DNAH7: variants seen among roughly 807,000 people sequenced by gnomAD.
DNAH7 encodes the protein dynein axonemal heavy chain 7.
In DNAH7, 397 loss-of-function variants were observed where a neutral mutation model predicts 444.6. That is an observed-to-expected ratio of 0.89 (90% CI 0.82 to 0.97). DNAH7 has a LOEUF of 0.97. DNAH7 is among the 50% of genes least tolerant of loss of function. The pLI, the probability that DNAH7 is intolerant of heterozygous loss-of-function variation, is 0.00. For synonymous variants in DNAH7, 1,636 were observed against 1,624.4 expected, an observed-to-expected ratio of 1.01 and a Z score of -0.17; for missense variants, 4,902 against 4,800.8, an observed-to-expected ratio of 1.02 and a Z score of -0.62.
intron 36 of DNAH7, among the ~76,000 whole-genome samples, chr2:195,881,032 T>C (rs1701348084): frequency 6.6e-6 from 1 of 152,042 alleles, no homozygotes; most frequent in South Asian, 2.1e-4. Context: ...AAACACTCCC[T>C]GATTTAAATT....
chr2:195,856,615 T>C (rs1699726585), intron 44 of DNAH7, among the ~76,000 whole-genome samples: 1 of 152,202 alleles, frequency 6.6e-6, no homozygotes, highest in Admixed American at 6.5e-5. Flanking sequence ...ATGACAGTTG[T>C]TTTTTGAAAA....
intron 19 of DNAH7, among the ~76,000 whole-genome samples, chr2:195,950,088 T>C (rs781502473): frequency 1.9e-4 from 29 of 152,094 alleles, no homozygotes; most frequent in Non-Finnish European, 3.2e-4. Flanking sequence ...CTCTGCCAGG[T>C]TTTGGTATCA....
At chr2:195,797,387 T>A (rs1696202706) in intron 55 of DNAH7, among the ~76,000 whole-genome samples, 1 of 152,188 alleles carries the variant, frequency 6.6e-6, no homozygotes, top group African/African-American at 2.4e-5. Context: ...GCCCATGGCT[T>A]ATTGTCACTA....
At position 195,864,561 on chromosome 2, in the gene DNAH7, A is replaced by T. The variant is rs1299751936; in HGVS notation, c.7094T>A (p.Val2365Asp). The T allele has an allele frequency of 6.2e-7, 1 of 1,614,156 alleles. No individual in the cohort carries two copies. Among genetic ancestry groups the T allele is most frequent in the South Asian group, 1.1e-5 (1 of 91,084 alleles). ...AGTATCATACCCCTTAGAGATTTCA[A>T]CTTGGAAAACTGAATAATCAGCCAT... ...AHMADYSVFQ[V>D]EISKGYDTTE... The change falls in exon 41 of 65, where the codon GTT (valine) becomes GAT (aspartate). Residue 2365 changes from valine to aspartate, a missense_variant. Val to Asp is a radical substitution (Grantham distance 152). Transcript: ENST00000312428.
At chr2:195,850,875 T>C (rs1699322599) in intron 46 of DNAH7, among the ~76,000 whole-genome samples, 1 of 152,124 alleles carries the variant, frequency 6.6e-6, no homozygotes, top group African/African-American at 2.4e-5. Flanking sequence ...CCTCGTTAGA[T>C]GCCACAGGGA....
At chr2:195,739,187 T>C (rs1481186971) in intron 64 of DNAH7, among the ~76,000 whole-genome samples, 3 of 152,216 alleles carry the variant, frequency 2.0e-5, no homozygotes, top group African/African-American at 7.2e-5. Flanking sequence ...AAGACTAAAT[T>C]TCGATCAGCT....
chr2:195,963,321 T>C (rs1454709417), intron 17 of DNAH7, among the ~76,000 whole-genome samples: 1 of 152,250 alleles, frequency 6.6e-6, no homozygotes, highest in Non-Finnish European at 1.5e-5. Flanking sequence ...AGTGACATGG[T>C]ATCTCATTGT....
At chr2:196,058,364 T>A (rs1697938751) in intron 1 of DNAH7, among the ~76,000 whole-genome samples, 1 of 152,156 alleles carries the variant, frequency 6.6e-6, no homozygotes, top group Non-Finnish European at 1.5e-5. Flanking sequence ...AAACATCAAA[T>A]ATATATAGGA....
chr2:195,806,704 T>C (rs151261592), intron 54 of DNAH7, 36 bp downstream of exon 54: 2 of 1,578,922 alleles, frequency 1.3e-6, no homozygotes, highest in East Asian at 4.5e-5. Flanking sequence ...CATAAGGCTT[T>C]GGAATCATTG....
intron 19 of DNAH7, among the ~76,000 whole-genome samples, chr2:195,937,169 T>C (rs1689111813): frequency 6.6e-6 from 1 of 152,196 alleles, no homozygotes; most frequent in Non-Finnish European, 1.5e-5. Flanking sequence ...CAATAAGTCA[T>C]CATTATAATT....
intron 61 of DNAH7, among the ~76,000 whole-genome samples, chr2:195,757,457 A>G (rs1255822783): frequency 6.6e-6 from 1 of 152,162 alleles, no homozygotes; most frequent in African/African-American, 2.4e-5. Flanking sequence ...GCTATTATTC[A>G]TTTCTGTCTT....
At chr2:195,905,827 T>G (rs1686980570) in intron 27 of DNAH7, 1 of 152,102 alleles carries the variant, frequency 6.6e-6, no homozygotes, top group Admixed American at 6.6e-5. Context: ...AATTGAGAAC[T>G]GATATGGGAT....
chr2:195,956,649 T>C (rs1340078470), intron 19 of DNAH7, among the ~76,000 whole-genome samples: 1 of 126,440 alleles, frequency 7.9e-6, no homozygotes, highest in South Asian at 2.2e-4. Context: ...AGACTCTGTC[T>C]CAAAAAAAAA....
chr2:195,860,897 T>C (rs964422339), intron 42 of DNAH7, among the ~76,000 whole-genome samples: 1 of 152,148 alleles, frequency 6.6e-6, no homozygotes, highest in Non-Finnish European at 1.5e-5. Flanking sequence ...GTAAAAATCA[T>C]ATTAATTTAT....
intron 61 of DNAH7, among the ~76,000 whole-genome samples, chr2:195,766,764 C>T (rs759925231): frequency 9.9e-5 from 15 of 152,098 alleles, no homozygotes; most frequent in Non-Finnish European, 2.9e-5. Context: ...AATTATTATT[C>T]ATTGTATGCC....
Position 195,970,038 on chromosome 2 carries a change from T to C in DNAH7, c.2115A>G (p.Glu705=), listed in dbSNP as rs757724580. 6.2e-7 allele frequency: 1 copy of C among 1,613,158 alleles called. No individual in the cohort carries two copies. The highest frequency in any genetic ancestry group is 8.5e-7 in the Non-Finnish European group (1 of 1,179,622). The stretch of plus-strand genomic sequence containing the variant: ...CCTGAAGATCTCCAAATGAATAAAA[T>C]TCTTCTGATTGCTTAGCATAACTCT... ...ELESYAKQSE[E]FYSFGDLQDV... Residue 705 remains glutamate, a synonymous_variant, in exon 17 of 65, where the codon GAA becomes GAG. Transcript: ENST00000312428.
At chr2:196,050,797 T>C (rs1378810289) in intron 3 of DNAH7, among the ~76,000 whole-genome samples, 1 of 152,222 alleles carries the variant, frequency 6.6e-6, no homozygotes, top group Non-Finnish European at 1.5e-5. Flanking sequence ...ACCCATCTCC[T>C]TGAAGATCAT....
chr2:195,956,898 C>T (rs1017994336), intron 19 of DNAH7, among the ~76,000 whole-genome samples: 1 of 152,080 alleles, frequency 6.6e-6, no homozygotes, highest in African/African-American at 2.4e-5. Flanking sequence ...GACATGTGTG[C>T]ACCACAGTGA....
At chr2:196,018,430 A>T (rs1278637356) in intron 9 of DNAH7, among the ~76,000 whole-genome samples, 1 of 152,140 alleles carries the variant, frequency 6.6e-6, no homozygotes, top group Admixed American at 6.5e-5. Context: ...AATCTATCCC[A>T]TGTAAACAAA....
Sources: gnomAD v4.1 joint callset for allele counts (sites outside exome capture counted in the v4.1 genomes callset) on GRCh38, gnomAD v4.1.1 for gene constraint, MANE v1.5 for transcripts, NCBI Gene and HGNC (gene_info 2026-07-23, HGNC 2026-07-21) for gene names.